The following DAPK2 variants were observed in gnomAD, a reference collection of about 807,000 sequenced individuals.
DAPK2 encodes the protein death associated protein kinase 2.
DAPK2 carries 35 observed loss-of-function variants against 44.1 expected under a neutral mutation model. The ratio of observed to expected loss-of-function variants is 0.79; its 90% CI spans 0.61 to 1.05. The LOEUF is 1.05. DAPK2 is among the 50% of genes least tolerant of loss of function. The probability of loss-of-function intolerance (pLI) is 0.00; values close to 1 mark genes in which losing one functional copy is unlikely to be tolerated. For missense variants in DAPK2, 453 were observed against 483.2 expected, an observed-to-expected ratio of 0.94 and a Z score of 0.59; for synonymous variants, 174 against 182.6, an observed-to-expected ratio of 0.95 and a Z score of 0.38.
chr15:63,961,477 G>A lies in DAPK2; in HGVS notation c.453+9946C>T, dbSNP rs542677457. Among the ~76,000 whole-genome samples, 151 of 152,306 alleles carry A rather than the reference G, an allele frequency of 9.9e-4. 1 individual carries two copies. Among genetic ancestry groups the A allele is most frequent in the African/African-American group, 3.6e-3 (149 of 41,556 alleles). ...ATTTGGCATGTTTTTGCAGTGGCTGGTACCAGTTGTTCCTTTCCATATTTA... is the reference window on the plus strand; with the variant it reads ...ATTTGGCATGTTTTTGCAGTGGCTGATACCAGTTGTTCCTTTCCATATTTA... On this transcript the variant is annotated intron_variant, in intron 3 of 10. Transcript: ENST00000261891.
chr15:63,926,021 G>T lies in DAPK2; in HGVS notation c.732C>A (p.Tyr244Ter). The change falls in exon 7 of 11, where the codon TAC becomes TAA. Residue 244 changes from tyrosine to a stop codon, truncating the protein, a stop_gained. Coordinates refer to ENST00000261891, the Ensembl canonical transcript of DAPK2. LOFTEE classifies it high-confidence loss of function. ...GGCTGAAGAATTCCTCATCAAAGTC[G>T]TAACTCACTGCTGTGATATTTGCCA... The T allele has an allele frequency of 1.2e-6, 2 of 1,614,136 alleles. No individual in the cohort carries two copies. The highest frequency in any genetic ancestry group is 1.7e-6 in the Non-Finnish European group (2 of 1,180,022).
chr15:64,031,979 A>G (rs959664002), intron 1 of DAPK2, among the ~76,000 whole-genome samples: 16 of 152,226 alleles, frequency 1.1e-4, no homozygotes, highest in Admixed American at 2.0e-4. Flanking sequence ...TGGCTGAGGT[A>G]TTCTGCCTTA....
In DAPK2 at chr15:63,988,751, C is replaced by T. The variant is rs1173944135; in HGVS notation, c.93-4997G>A. Reference sequence around the variant, plus strand: ...GAACTCCTGACCTCAAGTGATCTGCCTGCCTCAGCCTCCCAAAGTGCTGGG... The same window carrying T: ...GAACTCCTGACCTCAAGTGATCTGCTTGCCTCAGCCTCCCAAAGTGCTGGG... On this transcript the variant is annotated intron_variant, in intron 1 of 10. Transcript: ENST00000261891. 2.6e-5 allele frequency among the ~76,000 whole-genome samples: 4 copies of T among 151,980 alleles called. No homozygotes were observed. The East Asian group carries it at 7.8e-4, about 30-fold the overall frequency.
exon 10 of DAPK2, chr15:63,911,947 C>G: frequency 6.2e-7 from 1 of 1,613,984 alleles, no homozygotes; most frequent in South Asian, 1.1e-5. Flanking sequence ...TCTTCATCAG[C>G]GAGCGGGTGA....
chr15:64,040,744 C>T (rs1030130447), upstream of DAPK2, among the ~76,000 whole-genome samples: 5 of 151,954 alleles, frequency 3.3e-5, no homozygotes, highest in Admixed American at 3.3e-4. Context: ...AACTCCATCT[C>T]TACCAAAAAT....
At chr15:63,940,538 CCT>C (rs1396898080) in intron 3 of DAPK2, among the ~76,000 whole-genome samples, 2 of 151,992 alleles carry the variant, frequency 1.3e-5, no homozygotes, top group Non-Finnish European at 2.9e-5. Context: ...TGGCAAAACC[CCT>C]GTCTCTACTA....
chr15:63,945,493 C>T (rs1397296660), intron 3 of DAPK2, among the ~76,000 whole-genome samples: 3 of 152,098 alleles, frequency 2.0e-5, no homozygotes, highest in Non-Finnish European at 4.4e-5. Context: ...GGCTGTGATG[C>T]GGATGGAGCA....
In DAPK2 at chr15:63,990,979, C is replaced by T. The variant is rs2078800867; in HGVS notation, c.93-7225G>A. 6.6e-6 allele frequency among the ~76,000 whole-genome samples: 1 copy of T among 152,070 alleles called. No homozygotes were observed. The highest frequency in any genetic ancestry group is 6.5e-5 in the Admixed American group (1 of 15,278). On this transcript the variant is annotated intron_variant, in intron 1 of 10. Coordinates refer to ENST00000261891, the Ensembl canonical transcript of DAPK2. This position sits in a 1 kb window ranked among gnomAD's most constrained non-coding sequence, Gnocchi z 4.3. The stretch of plus-strand genomic sequence containing the variant: ...CTGGCCAGGCTCCACTGTGGAGCCT[C>T]TGTGGCTGACCCTGTCCTTATTTCC...
intron 1 of DAPK2, among the ~76,000 whole-genome samples, chr15:63,991,539 T>C (rs773062951): frequency 2.0e-5 from 3 of 152,300 alleles, no homozygotes; most frequent in East Asian, 1.9e-4. Context: ...AAGTCCAATA[T>C]GTAAAACAGA....
intron 1 of DAPK2, among the ~76,000 whole-genome samples, chr15:63,993,151 A>G (rs1056001436): frequency 6.6e-6 from 1 of 152,058 alleles, no homozygotes; most frequent in Non-Finnish European, 1.5e-5. Flanking sequence ...TTCCTGGCCC[A>G]CAACCCCCTG....
At chr15:64,044,006 C>G (rs1025206847), upstream of DAPK2, among the ~76,000 whole-genome samples, 1 of 152,196 alleles carries the variant, frequency 6.6e-6, no homozygotes, top group Non-Finnish European at 1.5e-5. Context: ...CCTAACACCT[C>G]TCCTAAGGCG....
intron 1 of DAPK2, among the ~76,000 whole-genome samples, chr15:63,994,607 T>C (rs1333516875): frequency 3.9e-5 from 3 of 76,030 alleles, no homozygotes; most frequent in Non-Finnish European, 7.8e-5. Flanking sequence ...TTTTTTTTTT[T>C]GAGACGTAGT....
At chr15:64,030,925 C>T (rs1022747156) in intron 1 of DAPK2, among the ~76,000 whole-genome samples, 5 of 150,638 alleles carry the variant, frequency 3.3e-5, no homozygotes, top group African/African-American at 1.2e-4. Flanking sequence ...TGTGGTTGCG[C>T]CATTGCATTC....
At chr15:63,969,500 G>A (rs931233001) in intron 3 of DAPK2, among the ~76,000 whole-genome samples, 11 of 152,018 alleles carry the variant, frequency 7.2e-5, no homozygotes, top group African/African-American at 2.7e-4. Context: ...ACACTTTTGA[G>A]AGGCTGAGGC....
intron 2 of DAPK2, among the ~76,000 whole-genome samples, chr15:63,973,253 T>G (rs941965282): frequency 5.9e-5 from 9 of 152,240 alleles, no homozygotes; most frequent in Non-Finnish European, 8.8e-5. Flanking sequence ...CACCTGGATT[T>G]CACAAGATGC....
upstream of DAPK2, chr15:64,046,467 G>A: frequency 1.1e-5 from 2 of 190,096 alleles, no homozygotes; most frequent in Non-Finnish European, 1.9e-5. The surrounding 1 kb of genome is among the most constrained non-coding windows in gnomAD (Gnocchi z 5.3). Flanking sequence ...CCCGCCCGCC[G>A]AGCAGCCTAG....
At chr15:63,949,876 G>A (rs1407276368) in intron 3 of DAPK2, among the ~76,000 whole-genome samples, 1 of 152,238 alleles carries the variant, frequency 6.6e-6, no homozygotes, top group Non-Finnish European at 1.5e-5. Context: ...ATGGCTGAAT[G>A]TTGAATGTAA....
intron 7 of DAPK2, 143 bp downstream of exon 8, chr15:63,925,796 CCA>C: frequency 2.0e-6 from 2 of 1,000,096 alleles, no homozygotes. Flanking sequence ...CTTGGCTAGG[CCA>C]CACTTTCCAG....
Position 64,002,954 on chromosome 15 carries a change from GTGTGTGTGTGTCGTGGGACC to G in DAPK2, c.93-19220_93-19201del, listed in dbSNP as rs2079126125. The stretch of plus-strand genomic sequence containing the variant: ...TGTGTGTGTGTGTGTGTGTGTGTGT[GTGTGTGTGTGTCGTGGGACC>G]TGTGTGTGTGTGTGTGTGTGTGTGT... On this transcript the variant is annotated intron_variant, in intron 1 of 10. Transcript: ENST00000261891. Among the ~76,000 whole-genome samples the G allele has an allele frequency of 2.3e-5, 3 of 128,518 alleles. No individual in the cohort carries two copies. The Admixed American group carries it at 2.4e-4, about 10-fold the overall frequency. The allele number at this position is 128,518 out of a possible 152,430, so 84.3% of individuals were successfully genotyped here.
Sources: allele counts gnomAD v4.1 joint callset (sites outside exome capture counted in the v4.1 genomes callset), GRCh38; gene constraint gnomAD v4.1.1; non-coding constraint Gnocchi (gnomAD v3.1); transcripts MANE v1.5; gene names NCBI Gene and HGNC (gene_info 2026-07-23, HGNC 2026-07-21).